The following DLG2 variants were observed in gnomAD, a reference collection of about 807,000 sequenced individuals.
The protein encoded by DLG2 is disks large homolog 2.
Under a neutral mutation model 132.5 loss-of-function variants are expected in DLG2, and 45 were observed. That is an observed-to-expected ratio of 0.34 (90% CI 0.27 to 0.44). The LOEUF (loss-of-function observed/expected upper bound fraction) is 0.44, where lower values mean the gene tolerates loss of function less well. Among genes scored for constraint, DLG2 ranks in the 20% least tolerant of loss-of-function variants. The pLI is 1.00. For synonymous variants in DLG2, 424 were observed against 419.6 expected (o/e 1.01, Z -0.13); for missense variants, 1,045 against 1,196.9 (o/e 0.87, Z 1.87).
intron 6 of DLG2, among the ~76,000 whole-genome samples, chr11:84,702,154 C>T (rs75110674): frequency 0.025 from 3,770 of 151,694 alleles, 163 homozygotes; most frequent in African/African-American, 0.087. Flanking sequence ...GGGATACTTG[C>T]CTTGCTTTAT....
At chr11:83,676,666 C>G (rs2077748839) in intron 18 of DLG2, among the ~76,000 whole-genome samples, 1 of 152,266 alleles carries the variant, frequency 6.6e-6, no homozygotes, top group African/African-American at 2.4e-5. Context: ...AGCAAGGGTG[C>G]AAGGTTTAGT....
intron 7 of DLG2, among the ~76,000 whole-genome samples, chr11:84,363,456 G>A (rs1220469912): frequency 3.3e-5 from 5 of 151,936 alleles, no homozygotes; most frequent in African/African-American, 9.7e-5. Context: ...CCCATTTTCT[G>A]GGTTTCCTGT....
intron 18 of DLG2, among the ~76,000 whole-genome samples, chr11:83,660,628 C>T (rs760024185): frequency 4.5e-4 from 68 of 152,240 alleles, no homozygotes; most frequent in Non-Finnish European, 7.2e-4. Context: ...TGATATAATA[C>T]GTCACCTTGG....
At chr11:84,417,962 A>G (rs2098935568) in intron 7 of DLG2, among the ~76,000 whole-genome samples, 1 of 152,202 alleles carries the variant, frequency 6.6e-6, no homozygotes. Context: ...GCTAAATTAT[A>G]CACTTTACAT....
At chr11:85,350,307 A>G (rs897888188) in intron 3 of DLG2, among the ~76,000 whole-genome samples, 1 of 152,190 alleles carries the variant, frequency 6.6e-6, no homozygotes, top group African/African-American at 2.4e-5. Flanking sequence ...TCTGGATATT[A>G]GCCCTTTGTC....
chr11:84,885,303 T>C (rs2088065001), intron 6 of DLG2, among the ~76,000 whole-genome samples: 1 of 152,098 alleles, frequency 6.6e-6, no homozygotes, highest in South Asian at 2.1e-4. Flanking sequence ...TTTTCTGGCA[T>C]GCACAAAGGT....
At chr11:83,623,443 T>C (rs1381697182) in intron 19 of DLG2, among the ~76,000 whole-genome samples, 4 of 152,246 alleles carry the variant, frequency 2.6e-5, no homozygotes, top group Non-Finnish European at 5.9e-5. Flanking sequence ...AGTTACTATA[T>C]GCCAGACTGT....
intron 3 of DLG2, among the ~76,000 whole-genome samples, chr11:85,302,740 T>C (rs561335467): frequency 6.6e-6 from 1 of 151,074 alleles, no homozygotes; most frequent in East Asian, 2.0e-4. Context: ...ATAGTAGAGA[T>C]GAGATTTGGG....
intron 6 of DLG2, chr11:84,997,865 G>T (rs959706838): frequency 6.6e-6 from 1 of 152,266 alleles, no homozygotes; most frequent in South Asian, 2.1e-4. Context: ...TGGTCAGCAT[G>T]ATAGAGAGGT....
chr11:85,496,731 C>G (rs1372831624), intron 3 of DLG2, among the ~76,000 whole-genome samples: 2 of 152,138 alleles, frequency 1.3e-5, no homozygotes, highest in Non-Finnish European at 2.9e-5. Flanking sequence ...GAGGAAGGAT[C>G]AGGCAGCAAT....
chr11:85,442,363 G>A (rs2091822947), intron 3 of DLG2, among the ~76,000 whole-genome samples: 1 of 152,130 alleles, frequency 6.6e-6, no homozygotes, highest in African/African-American at 2.4e-5. Flanking sequence ...AGTAGCAGTG[G>A]CATATACAAG....
chr11:83,892,114 T>C (rs983867174), intron 15 of DLG2, among the ~76,000 whole-genome samples: 1 of 152,214 alleles, frequency 6.6e-6, no homozygotes, highest in Non-Finnish European at 1.5e-5. Context: ...TTCTCTGGTA[T>C]TCTTTTCGGT....
chr11:84,375,138 T>C (rs2098723767), intron 7 of DLG2, among the ~76,000 whole-genome samples: 1 of 152,202 alleles, frequency 6.6e-6, no homozygotes, highest in Non-Finnish European at 1.5e-5. Flanking sequence ...ACAGCACATC[T>C]TCCATATTCT....
intron 6 of DLG2, among the ~76,000 whole-genome samples, chr11:84,548,252 G>A (rs1355208277): frequency 6.6e-6 from 1 of 152,066 alleles, no homozygotes; most frequent in East Asian, 1.9e-4. Flanking sequence ...ACACACAAAT[G>A]AGACAACGCT....
At chr11:83,633,374 T>C (rs45599038) in intron 18 of DLG2, 49 bp from the exon 19 acceptor site, 16,616 of 1,498,878 alleles carry the variant, frequency 0.011, 128 homozygotes, top group Non-Finnish European at 0.012. Flanking sequence ...CCCTCAAGAG[T>C]TGGAAATGCT....
chr11:85,534,358 T>C (rs1469777224), intron 3 of DLG2, among the ~76,000 whole-genome samples: 1 of 152,118 alleles, frequency 6.6e-6, no homozygotes, highest in Non-Finnish European at 1.5e-5. Flanking sequence ...TTTTTTTAAT[T>C]TTAGATTTGG....
intron 5 of DLG2, among the ~76,000 whole-genome samples, chr11:85,137,031 T>A (rs570655651): frequency 4.0e-4 from 61 of 152,124 alleles, no homozygotes; most frequent in African/African-American, 1.5e-3. Flanking sequence ...AATTTAAAAA[T>A]AAATATATTG....
At chr11:84,492,708 T>A (rs1052527559) in intron 7 of DLG2, among the ~76,000 whole-genome samples, 2 of 152,160 alleles carry the variant, frequency 1.3e-5, no homozygotes, top group Non-Finnish European at 2.9e-5. Context: ...CTCATCATCA[T>A]CCTAACCACA....
At chr11:84,556,298 C>T (rs1259987381) in intron 6 of DLG2, among the ~76,000 whole-genome samples, 2 of 152,086 alleles carry the variant, frequency 1.3e-5, no homozygotes, top group African/African-American at 4.8e-5. Context: ...CTGTGTTAGC[C>T]TCTCATCAAA....
Sources: allele counts gnomAD v4.1 joint callset (sites outside exome capture counted in the v4.1 genomes callset), GRCh38; gene constraint gnomAD v4.1.1; transcripts MANE v1.5; gene names NCBI Gene and HGNC (gene_info 2026-07-23, HGNC 2026-07-21).